Variants in TTC3 observed in about 807,000 individuals in gnomAD.
TTC3 encodes the protein tetratricopeptide repeat domain 3.
Under a neutral mutation model 249.6 loss-of-function variants are expected in TTC3, and 180 were observed. That is an observed-to-expected ratio of 0.72 (90% confidence interval 0.64 to 0.82). The LOEUF (loss-of-function observed/expected upper bound fraction) is 0.82, where lower values mean the gene tolerates loss of function less well. TTC3 is among the 40% of genes least tolerant of loss of function. The pLI is 0.00. For synonymous variants in TTC3, 717 were observed against 805.0 expected, an observed-to-expected ratio of 0.89 and a Z score of 1.85; for missense variants, 2,061 against 2,398.4, an observed-to-expected ratio of 0.86 and a Z score of 2.94.
chr21:37,155,493 G>A (rs1344988525), intron 27 of TTC3, among the ~76,000 whole-genome samples: 1 of 152,110 alleles, frequency 6.6e-6, no homozygotes, highest in Admixed American at 6.6e-5. Flanking sequence ...CCCTTATTCT[G>A]GTGTTTAAAG....
exon 27 of TTC3, chr21:37,153,250 G>A (rs746320789): frequency 1.1e-5 from 17 of 1,612,588 alleles, no homozygotes; most frequent in Middle Eastern, 1.6e-4. Flanking sequence ...CAAATTAGCC[G>A]CCTGGATCCA....
chr21:37,106,529 T>C (rs1229064667), intron 10 of TTC3, among the ~76,000 whole-genome samples: 1 of 152,222 alleles, frequency 6.6e-6, no homozygotes, highest in East Asian at 1.9e-4. Context: ...TTGTTCAACT[T>C]TGATGTACAG....
At chr21:37,191,703 C>T (rs2084139924) in intron 40 of TTC3, among the ~76,000 whole-genome samples, 1 of 152,158 alleles carries the variant, frequency 6.6e-6, no homozygotes, top group Non-Finnish European at 1.5e-5. Flanking sequence ...CTCAGCCCCC[C>T]AAGTAGCTGG....
chr21:37,096,906 G>T, intron 10 of TTC3: 1 of 300,290 alleles, frequency 3.3e-6, no homozygotes. Flanking sequence ...ACCCGTAATA[G>T]GTAGGTAATG....
chr21:37,172,755 C>G lies in TTC3; in HGVS notation c.4617+11C>G. Reference sequence around the variant, plus strand: ...TTAGAAGAAAACAAGGTAATCCTGTCTGAAACCTGTCTTTAATTGCATGTA... The same window carrying G: ...TTAGAAGAAAACAAGGTAATCCTGTGTGAAACCTGTCTTTAATTGCATGTA... On this transcript the variant is annotated intron_variant, in intron 35 of 45. Transcript: ENST00000355666. The G allele has an allele frequency of 6.2e-7, 1 of 1,612,950 alleles. No homozygotes were observed. Among genetic ancestry groups the G allele is most frequent in the Non-Finnish European group, 8.5e-7 (1 of 1,179,476 alleles).
intron 27 of TTC3, among the ~76,000 whole-genome samples, chr21:37,156,208 T>TTTG (rs1555897069): frequency 2.0e-5 from 3 of 146,734 alleles, no homozygotes; most frequent in Admixed American, 6.7e-5. Context: ...GGCTAACTCT[T>TTTG]TTTTTTTTTG....
intron 28 of TTC3, chr21:37,157,156 C>G: frequency 7.1e-7 from 1 of 1,404,410 alleles, no homozygotes; most frequent in Non-Finnish European, 9.5e-7. Flanking sequence ...TTCTTCCCGT[C>G]TTAGATATTT....
intron 27 of TTC3, among the ~76,000 whole-genome samples, chr21:37,156,042 GT>G (rs1295717505): frequency 4.8e-4 from 18 of 37,612 alleles, no homozygotes; most frequent in Non-Finnish European, 5.0e-4. Context: ...GTTTGGGTTT[GT>G]TTTTTTTTTT....
chr21:37,166,225 C>T (rs370714925), exon 33 of TTC3: 6 of 1,614,200 alleles, frequency 3.7e-6, no homozygotes, highest in South Asian at 2.2e-5. Flanking sequence ...CATACATAAA[C>T]GTGTTACCAG....
chr21:37,090,817 C>T (rs560188422), intron 6 of TTC3, among the ~76,000 whole-genome samples: 10 of 152,282 alleles, frequency 6.6e-5, no homozygotes, highest in African/African-American at 1.9e-4. Flanking sequence ...CCACATCTTC[C>T]TCTTGTTCTT....
At chr21:37,080,072 T>C (rs1317908031) in intron 1 of TTC3, among the ~76,000 whole-genome samples, 1 of 152,282 alleles carries the variant, frequency 6.6e-6, no homozygotes, top group East Asian at 1.9e-4. Context: ...ATTATTTTAC[T>C]ATTTTTTTCA....
At chr21:37,188,193 G>C in intron 38 of TTC3, 2 of 244,310 alleles carry the variant, frequency 8.2e-6, no homozygotes, top group Non-Finnish European at 1.6e-5. Flanking sequence ...ATGCACACTC[G>C]TGTACACATG....
At chr21:37,078,793 T>G (rs1197842493) in intron 1 of TTC3, among the ~76,000 whole-genome samples, 2 of 152,202 alleles carry the variant, frequency 1.3e-5, no homozygotes, top group Non-Finnish European at 2.9e-5. Context: ...TTTATTCATT[T>G]TTTTGGTCTT....
chr21:37,106,894 A>T (rs954409336), intron 10 of TTC3, among the ~76,000 whole-genome samples: 2 of 151,636 alleles, frequency 1.3e-5, no homozygotes, highest in Non-Finnish European at 3.0e-5. Context: ...CCCTTGTTTC[A>T]AAAAAAAGAA....
rs372668215 is a variant in TTC3, at chr21:37,182,055, G to A, written c.4618-719G>A. 3.9e-5 allele frequency among the ~76,000 whole-genome samples: 6 copies of A among 152,208 alleles called. No homozygotes were observed. The East Asian group carries it at 5.8e-4, about 15-fold the overall frequency. On this transcript the variant is annotated intron_variant, in intron 35 of 45. Coordinates refer to ENST00000355666, the Ensembl canonical transcript of TTC3. Reference sequence around the variant, plus strand: ...TCCTTTAAATATTGCTTTGATTCACGTTTAAATTAATTATTAGAAATATTA... The same window carrying A: ...TCCTTTAAATATTGCTTTGATTCACATTTAAATTAATTATTAGAAATATTA...
chr21:37,163,916 T>C, intron 31 of TTC3, 135 bp from the exon 32 acceptor site: 1 of 899,632 alleles, frequency 1.1e-6, no homozygotes, highest in East Asian at 2.9e-5. Context: ...TCCCTGGTGC[T>C]ATTTTTTTGC....
intron 45 of TTC3, 42 bp downstream of exon 45, chr21:37,200,366 C>G: frequency 1.3e-6 from 2 of 1,552,788 alleles, no homozygotes; most frequent in Non-Finnish European, 8.8e-7. Context: ...TGCATTGGGA[C>G]CTTCAAATAT....
chr21:37,137,601 A>G (rs1430670439), intron 18 of TTC3, among the ~76,000 whole-genome samples: 1 of 152,196 alleles, frequency 6.6e-6, no homozygotes, highest in Non-Finnish European at 1.5e-5. Flanking sequence ...ATTTCTTGAA[A>G]TGGAATCTAC....
chr21:37,181,625 C>T (rs1174860294), intron 35 of TTC3, among the ~76,000 whole-genome samples: 1 of 152,218 alleles, frequency 6.6e-6, no homozygotes, highest in African/African-American at 2.4e-5. Flanking sequence ...CACCTAAGAA[C>T]AGTTGTCCTG....
Sources: gnomAD v4.1 joint callset for allele counts (sites outside exome capture counted in the v4.1 genomes callset) on GRCh38, gnomAD v4.1.1 for gene constraint, MANE v1.5 for transcripts, NCBI Gene and HGNC (gene_info 2026-07-23, HGNC 2026-07-21) for gene names.